The following GRAMD1A variants were observed in gnomAD, a reference collection of about 807,000 sequenced individuals.
GRAMD1A encodes protein Aster-A.
Under a neutral mutation model 92.0 loss-of-function variants are expected in GRAMD1A, and 50 were observed. That is an observed-to-expected ratio of 0.54 (90% CI 0.43 to 0.69). The LOEUF is 0.69. Ranked by LOEUF, GRAMD1A falls within the 30% of genes least tolerant of loss-of-function variation. The probability of loss-of-function intolerance (pLI) is 0.00; values close to 1 mark genes in which losing one functional copy is unlikely to be tolerated. For missense variants in GRAMD1A, 819 were observed against 978.9 expected, an observed-to-expected ratio of 0.84 and a Z score of 2.18; for synonymous variants, 405 against 403.6, an observed-to-expected ratio of 1.00 and a Z score of -0.04.
Position 35,000,503 on chromosome 19 carries a change from T to C in GRAMD1A, c.8+17T>C. The C allele has an allele frequency of 7.9e-7, 1 of 1,273,444 alleles. No individual in the cohort carries two copies. The highest frequency in any genetic ancestry group is 1.0e-6 in the Non-Finnish European group (1 of 1,003,246). The allele number at this position is 1,273,444 out of a possible 1,614,324, so 78.9% of individuals were successfully genotyped here. A position where few individuals can be genotyped will look rare whatever the true frequency, so the allele number is the denominator to read the frequency against. ...CATGTTCGAGTAAGGACCGGGCGAC[T>C]AGAGCTCAGGGACCGGGCGCGCGGG... On this transcript the variant is annotated intron_variant, in intron 1 of 19. Coordinates refer to ENST00000317991, the MANE Select transcript of GRAMD1A (RefSeq NM_020895.5). The surrounding 1 kb of genome is among the most constrained non-coding windows in gnomAD (Gnocchi z 4.9).
At chr19:35,020,895 C>T (rs1161951447) in intron 13 of GRAMD1A, among the ~76,000 whole-genome samples, 1 of 151,876 alleles carries the variant, frequency 6.6e-6, no homozygotes, top group Non-Finnish European at 1.5e-5. Context: ...CTGGAGGGGA[C>T]GGAGGCTGAA....
chr19:35,005,480 T>G (rs2014742700), intron 1 of GRAMD1A, among the ~76,000 whole-genome samples: 1 of 151,574 alleles, frequency 6.6e-6, no homozygotes, highest in Admixed American at 6.6e-5. Flanking sequence ...GCAGGGCTGA[T>G]GAGGGCAGAG....
chr19:35,019,583 C>T, intron 13 of GRAMD1A, 50 bp downstream of exon 13: 1 of 1,538,474 alleles, frequency 6.5e-7, no homozygotes, highest in Non-Finnish European at 9.0e-7. Context: ...GCCCCAGGGC[C>T]TCCTGTCCAC....
intron 6 of GRAMD1A, chr19:35,010,710 G>A (rs2015172741): frequency 1.9e-6 from 1 of 538,872 alleles, no homozygotes; most frequent in Non-Finnish European, 3.3e-6. Context: ...CATGTCCGTT[G>A]GTTGCAAGAT....
At chr19:35,007,129 A>C (rs972440958) in intron 1 of GRAMD1A, among the ~76,000 whole-genome samples, 7 of 152,084 alleles carry the variant, frequency 4.6e-5, no homozygotes, top group Admixed American at 2.0e-4. Context: ...AGTGAGGTGC[A>C]CCCAGGGCAG....
Position 35,017,814 on chromosome 19 carries a change from C to G in GRAMD1A, c.1214-1377C>G, listed in dbSNP as rs1352051703. 5.3e-5 allele frequency among the ~76,000 whole-genome samples: 8 copies of G among 152,266 alleles called. No homozygotes were observed. The East Asian group carries it at 1.5e-3, about 29-fold the overall frequency. On this transcript the variant is annotated intron_variant, in intron 11 of 19. Coordinates refer to ENST00000317991, the MANE Select transcript of GRAMD1A (RefSeq NM_020895.5). The stretch of plus-strand genomic sequence containing the variant: ...AGATACTCACAGCTTCTGCCCTTAA[C>G]TCACACCATGCCAGTAGTGTGTGGT...
chr19:34,996,814 A>AG (rs1437542922), upstream of GRAMD1A, among the ~76,000 whole-genome samples: 4 of 151,994 alleles, frequency 2.6e-5, no homozygotes, highest in African/African-American at 9.7e-5. Flanking sequence ...AAAAAAAAAA[A>AG]AAAAAAAGAG....
chr19:35,019,120 G>A (rs1270879104), intron 11 of GRAMD1A, 71 bp from the exon 12 acceptor site: 1 of 991,398 alleles, frequency 1.0e-6, no homozygotes, highest in African/African-American at 1.6e-5. Context: ...CTCCCAGAAG[G>A]CTGAGTCTCC....
At position 35,000,596 on chromosome 19, in the gene GRAMD1A, G is replaced by T; in HGVS notation, c.8+110G>T. 1 of 810,420 alleles carries T rather than the reference G, an allele frequency of 1.2e-6. No homozygotes were observed. Among genetic ancestry groups the T allele is most frequent in the Non-Finnish European group, 1.6e-6 (1 of 613,036 alleles). 50.2% of individuals were successfully genotyped at this position (810,420 alleles called of 1,614,324 possible). On this transcript the variant is annotated intron_variant, in intron 1 of 19. Coordinates refer to ENST00000317991, the MANE Select transcript of GRAMD1A (RefSeq NM_020895.5). This position sits in a 1 kb window ranked among gnomAD's most constrained non-coding sequence, Gnocchi z 4.9. ...GGCGGAGCGGCCGCTGCAGAGGTCG[G>T]GGGCCTCTGCACATGGCTCTGGCCG...
chr19:35,006,712 T>C (rs1008436401), intron 1 of GRAMD1A, among the ~76,000 whole-genome samples: 1 of 152,212 alleles, frequency 6.6e-6, no homozygotes, highest in African/African-American at 2.4e-5. Context: ...CTGGTGGTTA[T>C]TGAGCATTCA....
At chr19:35,001,767 C>T (rs761345844) in intron 1 of GRAMD1A, among the ~76,000 whole-genome samples, 2 of 152,266 alleles carry the variant, frequency 1.3e-5, no homozygotes, top group South Asian at 4.1e-4. Context: ...GCCACCACGC[C>T]TGGCTAAGTT....
chr19:34,995,971 C>T (rs1013929095), upstream of GRAMD1A: 25 of 1,453,362 alleles, frequency 1.7e-5, no homozygotes, highest in African/African-American at 2.0e-4. Context: ...CTCTATCCCT[C>T]ATCTCTTTTT....
rs2016037035 is a variant in GRAMD1A at position 35,021,374 on chromosome 19, T to C, written c.1476-128T>C. ...GAAGCCATGGGGGGTAGGGAACCCATCTGTTTTGTCTGTGAGTGACAAGGG... is the reference window on the plus strand; with the variant it reads ...GAAGCCATGGGGGGTAGGGAACCCACCTGTTTTGTCTGTGAGTGACAAGGG... On this transcript the variant is annotated intron_variant, in intron 13 of 19. Coordinates refer to ENST00000317991, the MANE Select transcript of GRAMD1A (RefSeq NM_020895.5). The surrounding 1 kb of genome is among the most constrained non-coding windows in gnomAD (Gnocchi z 5.3). 4.3e-6 allele frequency: 3 copies of C among 699,318 alleles called. No individual in the cohort carries two copies. Among genetic ancestry groups the C allele is most frequent in the Middle Eastern group, 3.8e-4 (1 of 2,618 alleles). The allele number at this position is 699,318 out of a possible 1,614,324, so 43.3% of individuals were successfully genotyped here.
chr19:35,006,716 G>A (rs563624430), intron 1 of GRAMD1A, among the ~76,000 whole-genome samples: 1 of 152,324 alleles, frequency 6.6e-6, no homozygotes, highest in South Asian at 2.1e-4. Flanking sequence ...TGGTTATTGA[G>A]CATTCACTAT....
At chr19:35,002,237 A>G (rs2014424453) in intron 1 of GRAMD1A, among the ~76,000 whole-genome samples, 3 of 152,070 alleles carry the variant, frequency 2.0e-5, no homozygotes, top group African/African-American at 7.2e-5. Context: ...TACAGTTAGT[A>G]TAGCATGTGC....
chr19:34,998,924 A>AG (rs2014162702), upstream of GRAMD1A, among the ~76,000 whole-genome samples: 1 of 150,604 alleles, frequency 6.6e-6, no homozygotes, highest in Non-Finnish European at 1.5e-5. Flanking sequence ...GGTGTGAGCC[A>AG]GGGGGAGATG....
intron 1 of GRAMD1A, among the ~76,000 whole-genome samples, chr19:35,005,550 G>A (rs2014748807): frequency 6.6e-6 from 1 of 152,174 alleles, no homozygotes; most frequent in Non-Finnish European, 1.5e-5. Context: ...TCCCACTACA[G>A]GTATGGGCAG....
upstream of GRAMD1A, chr19:34,996,006 T>A (rs1166363084): frequency 1.7e-5 from 26 of 1,521,396 alleles, no homozygotes; most frequent in Non-Finnish European, 2.3e-5. Flanking sequence ...ACCACACCGC[T>A]GTTCCAGACC....
At position 35,013,787 on chromosome 19, in the gene GRAMD1A, G is replaced by A; in HGVS notation, c.870+96G>A. On this transcript the variant is annotated intron_variant, in intron 9 of 19. Transcript: ENST00000317991. This position sits in a 1 kb window ranked among gnomAD's most constrained non-coding sequence, Gnocchi z 4.9. ...GAAGAACAGCCTGACAGATTTGGAG[G>A]GGAATGGATAGGGGGACAGGGGAGG... 7.8e-7 allele frequency: 1 copy of A among 1,282,776 alleles called. No individual in the cohort carries two copies. The highest frequency in any genetic ancestry group is 1.4e-5 in the South Asian group (1 of 73,908). 79.5% of individuals were successfully genotyped at this position (1,282,776 alleles called of 1,614,324 possible).
Sources: gnomAD v4.1 joint callset for allele counts (sites outside exome capture counted in the v4.1 genomes callset) on GRCh38, gnomAD v4.1.1 for gene constraint, Gnocchi (gnomAD v3.1) non-coding constraint, MANE v1.5 for transcripts, NCBI Gene and HGNC (gene_info 2026-07-23, HGNC 2026-07-21) for gene names.